The following ADGRL2 variants were observed in gnomAD, a reference collection of about 807,000 sequenced individuals.
ADGRL2 encodes the protein calcium-independent alpha-latrotoxin receptor 2.
A neutral mutation model predicts 157.4 loss-of-function variants in ADGRL2; 44 were observed. That is an observed-to-expected ratio of 0.28 (90% CI 0.22 to 0.36). The LOEUF (loss-of-function observed/expected upper bound fraction) is 0.36. Ranked by LOEUF, ADGRL2 falls within the 10% of genes least tolerant of loss-of-function variation. The pLI is 1.00. For synonymous variants in ADGRL2, 585 were observed against 624.7 expected, an observed-to-expected ratio of 0.94 and a Z score of 0.95; for missense variants, 1,510 against 1,768.9, an observed-to-expected ratio of 0.85 and a Z score of 2.63.
At chr1:81,602,790 CG>C (rs538501193) in intron 3 of ADGRL2, among the ~76,000 whole-genome samples, 18 of 147,400 alleles carry the variant, frequency 1.2e-4, no homozygotes, top group Admixed American at 1.0e-3. Context: ...CCCAGCTACT[CG>C]GGGGGCTGAG....
intron 1 of ADGRL2, among the ~76,000 whole-genome samples, chr1:81,384,926 T>G (rs926291465): frequency 6.6e-6 from 1 of 152,172 alleles, no homozygotes; most frequent in African/African-American, 2.4e-5. Context: ...TGATTGTTAA[T>G]GCTTATGAAA....
chr1:81,544,885 G>A (rs180734066), intron 2 of ADGRL2, among the ~76,000 whole-genome samples: 279 of 152,196 alleles, frequency 1.8e-3, no homozygotes, highest in Non-Finnish European at 2.8e-3. Context: ...AATTCTGCAC[G>A]AACTCTTGAT....
rs925215658 is a variant in ADGRL2 at position 81,593,677 on chromosome 1, C to T, written c.-143+12697C>T. Among the ~76,000 whole-genome samples, 7 of 152,160 alleles carry T rather than the reference C, an allele frequency of 4.6e-5. No individual in the cohort carries two copies. In the East Asian group the frequency reaches 1.2e-3, roughly 25 times the overall value. ...TGAAAATATAGTTAGAATAGTCTAC[C>T]GTCAGCAAAAATTCACGTCTCTTTC... On this transcript the variant is annotated intron_variant, in intron 3 of 24. Transcript: ENST00000370721.
chr1:81,430,545 A>G (rs1453655469), intron 1 of ADGRL2, among the ~76,000 whole-genome samples: 1 of 152,134 alleles, frequency 6.6e-6, no homozygotes, highest in African/African-American at 2.4e-5. Context: ...TGCTGGTGTA[A>G]AAGTTGCCAG....
rs71085377 is a variant in ADGRL2, at chr1:81,842,353, C to CTTTTT, written c.73+5314_73+5318dup. The stretch of plus-strand genomic sequence containing the variant: ...AAAGGATTTTTTTTTTCTTTTAGCG[C>CTTTTT]TTTTTTTTTTTTTTTTTTTTTTAAG... On this transcript the variant is annotated intron_variant, in intron 2 of 23. Transcript: ENST00000686636. Among the ~76,000 whole-genome samples, 282 of 54,940 alleles carry CTTTTT rather than the reference C, an allele frequency of 5.1e-3. 29 individuals carry two copies. The highest frequency in any genetic ancestry group is 0.035 in the South Asian group (36 of 1,022). 36.0% of individuals were successfully genotyped at this position (54,940 alleles called of 152,430 possible).
chr1:81,434,113 A>C (rs2077369342), intron 1 of ADGRL2, among the ~76,000 whole-genome samples: 1 of 152,212 alleles, frequency 6.6e-6, no homozygotes. Context: ...CAAGCAAGTC[A>C]ATAAGTCCAG....
chr1:81,606,534 T>C (rs1477734464), intron 3 of ADGRL2, among the ~76,000 whole-genome samples: 1 of 152,020 alleles, frequency 6.6e-6, no homozygotes. Context: ...CACTACACTT[T>C]AGTTTATATC....
At chr1:81,788,852 A>G (rs1245609921) in intron 2 of ADGRL2, among the ~76,000 whole-genome samples, 2 of 152,028 alleles carry the variant, frequency 1.3e-5, no homozygotes, top group African/African-American at 4.8e-5. Context: ...AGTAGCTGGG[A>G]TTACAGGCAT....
intron 23 of ADGRL2, chr1:81,990,174 C>G: frequency 1.0e-6 from 1 of 985,160 alleles, no homozygotes; most frequent in African/African-American, 1.7e-5. Context: ...CATTTTCTCT[C>G]CCTGGAAAAC....
At chr1:81,855,233 G>C (rs1423572994) in intron 2 of ADGRL2, among the ~76,000 whole-genome samples, 1 of 152,124 alleles carries the variant, frequency 6.6e-6, no homozygotes, top group Admixed American at 6.5e-5. Flanking sequence ...GAGGCCAGGA[G>C]TTAAAGATCA....
chr1:81,983,897 G>T (rs1662339394), intron 19 of ADGRL2, among the ~76,000 whole-genome samples: 1 of 150,726 alleles, frequency 6.6e-6, no homozygotes, highest in African/African-American at 2.4e-5. Flanking sequence ...TCATTAATGT[G>T]AATGAAAATT....
intron 2 of ADGRL2, among the ~76,000 whole-genome samples, chr1:81,561,534 C>T (rs2080442565): frequency 6.7e-6 from 1 of 149,594 alleles, no homozygotes; most frequent in South Asian, 2.1e-4. Flanking sequence ...GATCTTGTCT[C>T]ACTGCAACCA....
chr1:81,766,202 AT>A lies in ADGRL2; in HGVS notation c.-101+4353del, dbSNP rs1337816985. On this transcript the variant is annotated intron_variant, in intron 2 of 20. Coordinates refer to the ADGRL2 transcript ENST00000359929. ...TACATTATCCTGTTTTTATTTATTT[AT>A]TTAATTTTTAATGGTCTTGCTTTTA... is the stretch of plus-strand genomic sequence containing the variant. Among the ~76,000 whole-genome samples, 7 of 152,194 alleles carry A rather than the reference AT, an allele frequency of 4.6e-5. No individual in the cohort carries two copies. The East Asian group carries it at 9.6e-4, about 21-fold the overall frequency.
At chr1:81,328,522 C>G (rs1452346604) in intron 1 of ADGRL2, among the ~76,000 whole-genome samples, 1 of 152,080 alleles carries the variant, frequency 6.6e-6, no homozygotes, top group Non-Finnish European at 1.5e-5. Context: ...TCTGTCTCTA[C>G]CCTACCCCAG....
intron 10 of ADGRL2, among the ~76,000 whole-genome samples, chr1:81,955,185 A>T (rs559433438): frequency 6.6e-6 from 1 of 152,324 alleles, no homozygotes; most frequent in African/African-American, 2.4e-5. Flanking sequence ...CTAACTTATC[A>T]GTAGAGGCTT....
intron 2 of ADGRL2, among the ~76,000 whole-genome samples, chr1:81,887,636 G>T (rs10493704): frequency 1.5e-3 from 235 of 152,092 alleles, no homozygotes; most frequent in African/African-American, 5.6e-3. Context: ...CAACATTCCC[G>T]AGTGAAATTT....
intron 1 of ADGRL2, among the ~76,000 whole-genome samples, chr1:81,710,531 A>C (rs1280254488): frequency 1.3e-5 from 2 of 151,414 alleles, no homozygotes; most frequent in East Asian, 3.9e-4. Flanking sequence ...GAGGCATGAA[A>C]ATCACTTGAA....
intron 3 of ADGRL2, among the ~76,000 whole-genome samples, chr1:81,625,376 C>A (rs12024094): frequency 6.6e-6 from 1 of 151,960 alleles, no homozygotes; most frequent in Non-Finnish European, 1.5e-5. Flanking sequence ...ATATTTAACA[C>A]GTGACAAAGA....
intron 2 of ADGRL2, among the ~76,000 whole-genome samples, chr1:81,773,084 G>C (rs2086441369): frequency 1.3e-5 from 2 of 152,172 alleles, no homozygotes; most frequent in Non-Finnish European, 2.9e-5. Flanking sequence ...CCAAAGCTGA[G>C]CTAATTGTAG....
Sources: allele counts gnomAD v4.1 joint callset (sites outside exome capture counted in the v4.1 genomes callset), GRCh38; gene constraint gnomAD v4.1.1; transcripts MANE v1.5; gene names NCBI Gene and HGNC (gene_info 2026-07-23, HGNC 2026-07-21).